PPP2R1B: variants seen among roughly 807,000 people sequenced by gnomAD.
The protein encoded by PPP2R1B is serine/threonine-protein phosphatase 2A 65 kDa regulatory subunit A beta isoform.
In PPP2R1B, 58 loss-of-function variants were observed where a neutral mutation model predicts 72.7. The observed-to-expected ratio is 0.80, with a 90% CI of 0.65 to 0.99. The LOEUF (loss-of-function observed/expected upper bound fraction) is 0.99. PPP2R1B is among the 50% of genes least tolerant of loss of function. The pLI, the probability that PPP2R1B is intolerant of heterozygous loss-of-function variation, is 0.00. For missense variants in PPP2R1B, 695 were observed against 733.6 expected, an observed-to-expected ratio of 0.95 and a Z score of 0.61; for synonymous variants, 256 against 264.6, an observed-to-expected ratio of 0.97 and a Z score of 0.32.
chr11:111,756,762 A>G (rs1315837810), intron 5 of PPP2R1B, among the ~76,000 whole-genome samples: 1 of 152,246 alleles, frequency 6.6e-6, no homozygotes, highest in African/African-American at 2.4e-5. Flanking sequence ...TCCAAATGTA[A>G]ACAGCCAATG....
At chr11:111,751,188 A>T (rs1233599898) in intron 10 of PPP2R1B, among the ~76,000 whole-genome samples, 2 of 152,056 alleles carry the variant, frequency 1.3e-5, no homozygotes, top group African/African-American at 4.8e-5. Flanking sequence ...CTTTAATCAG[A>T]ATGTAGGGCA....
At chr11:111,712,394 G>A in the PPP2R1B span, 1 of 1,604,464 alleles carries the variant, frequency 6.2e-7, no homozygotes, top group African/African-American at 1.3e-5. Context: ...ATGTTTGAGA[G>A]TCTCAGAACT....
the PPP2R1B span, among the ~76,000 whole-genome samples, chr11:111,693,526 C>A: frequency 6.6e-6 from 1 of 152,138 alleles, no homozygotes; most frequent in Non-Finnish European, 1.5e-5. Context: ...TGTTTTGGCC[C>A]TGGCTGTTCA....
downstream of PPP2R1B, chr11:111,721,953 C>CCCA: frequency 6.4e-7 from 1 of 1,551,106 alleles, no homozygotes. Flanking sequence ...GGGTCCTTCT[C>CCCA]CTTGCGAGTC....
At chr11:111,688,033 T>A in the PPP2R1B span, 4 of 1,614,064 alleles carry the variant, frequency 2.5e-6, no homozygotes, top group Non-Finnish European at 8.5e-7. This position sits in a 1 kb window ranked among gnomAD's most constrained non-coding sequence, Gnocchi z 4.2. Context: ...GTTAAATGAG[T>A]CTGAAGCCAG....
the PPP2R1B span, chr11:111,712,234 G>C: frequency 2.5e-6 from 4 of 1,614,086 alleles, no homozygotes; most frequent in Middle Eastern, 1.6e-4. Flanking sequence ...GGCTCCCAGT[G>C]ACCATGCATT....
the PPP2R1B span, chr11:111,719,719 G>A: frequency 6.5e-7 from 1 of 1,536,918 alleles, no homozygotes; most frequent in African/African-American, 1.4e-5. Flanking sequence ...TTCCTTTGTG[G>A]ATTTTTCTGT....
the PPP2R1B span, among the ~76,000 whole-genome samples, chr11:111,690,222 C>T: frequency 1.9e-4 from 28 of 150,572 alleles, no homozygotes; most frequent in African/African-American, 5.6e-4. Context: ...GTTTAATGCT[C>T]CTTGAAAGCA....
At chr11:111,726,079 CTGTTT>C (rs1378584805), downstream of PPP2R1B, 1 of 152,170 alleles carries the variant, frequency 6.6e-6, no homozygotes, top group Non-Finnish European at 1.5e-5. Context: ...GATCTCTAAT[CTGTTT>C]TGAGTCTTTA....
chr11:111,730,993 G>A (rs1944173033), intron 15 of PPP2R1B: 1 of 152,222 alleles, frequency 6.6e-6, no homozygotes, highest in Non-Finnish European at 1.5e-5. Flanking sequence ...AAGGACAGTG[G>A]ATAATATGTT....
At chr11:111,728,674 A>G (rs1179166683) in intron 15 of PPP2R1B, 1 of 151,198 alleles carries the variant, frequency 6.6e-6, no homozygotes, top group Non-Finnish European at 1.5e-5. Context: ...CACGCCTGTA[A>G]TCCCAACACT....
the PPP2R1B span, among the ~76,000 whole-genome samples, chr11:111,692,469 A>G: frequency 6.6e-6 from 1 of 150,804 alleles, no homozygotes; most frequent in Non-Finnish European, 1.5e-5. Context: ...CACACATGCA[A>G]AGGCTGAGAG....
chr11:111,735,558 T>C (rs1944315580), downstream of PPP2R1B, among the ~76,000 whole-genome samples: 4 of 152,210 alleles, frequency 2.6e-5, no homozygotes, highest in African/African-American at 7.2e-5. Flanking sequence ...AGATCCTGCC[T>C]GGGTGGACAC....
In PPP2R1B at chr11:111,764,995, A is replaced by C. The variant is rs141757572; in HGVS notation, c.206-90T>G. 2.5e-3 allele frequency: 3,846 copies of C among 1,536,424 alleles called. 12 individuals are homozygous for C. The highest frequency in any genetic ancestry group is 3.0e-3 in the Non-Finnish European group (3,411 of 1,144,732). ...AAACTAGGAACAGATTCACTATGCGACCAGGAAGGTGACCCAGTCAAAATC... is the reference window on the plus strand; with the variant it reads ...AAACTAGGAACAGATTCACTATGCGCCCAGGAAGGTGACCCAGTCAAAATC... On this transcript the variant is annotated intron_variant, in intron 2 of 14. Transcript: ENST00000527614.
chr11:111,760,704 A>G, intron 4 of PPP2R1B, 115 bp downstream of exon 4: 1 of 890,868 alleles, frequency 1.1e-6, no homozygotes, highest in Admixed American at 2.3e-5. Flanking sequence ...TCAGCCACTC[A>G]TTGGTAACAA....
Position 111,738,204 on chromosome 11 carries a change from A to G in PPP2R1B, c.*3392T>C, listed in dbSNP as rs1565426779. 6 of 985,594 alleles carry G rather than the reference A, an allele frequency of 6.1e-6. No homozygotes were observed. In the East Asian group the frequency reaches 5.7e-4, roughly 93 times the overall value. 61.1% of individuals were successfully genotyped at this position (985,594 alleles called of 1,614,324 possible). A position where few individuals can be genotyped will look rare whatever the true frequency, so the allele number is the denominator to read the frequency against. On this transcript the variant is annotated 3_prime_UTR_variant, in exon 15 of 15. Coordinates refer to ENST00000527614, the MANE Select transcript of PPP2R1B (RefSeq NM_002716.5). The stretch of plus-strand genomic sequence containing the variant: ...ACCTCAGCTGCTAAACCAGGAGAAC[A>G]CTGGGCAACAGGGCCTCTCCCTCTA...
chr11:111,750,658 T>C (rs1944869059), intron 10 of PPP2R1B, among the ~76,000 whole-genome samples: 1 of 147,636 alleles, frequency 6.8e-6, no homozygotes, highest in Admixed American at 6.9e-5. Flanking sequence ...AACTTAGAAC[T>C]GTCTAGGCCA....
At chr11:111,717,192 T>C in the PPP2R1B span, among the ~76,000 whole-genome samples, 1 of 151,480 alleles carries the variant, frequency 6.6e-6, no homozygotes, top group Admixed American at 6.6e-5. Context: ...GATGGGCGCC[T>C]GTAGTCCCAG....
intron 5 of PPP2R1B, among the ~76,000 whole-genome samples, chr11:111,757,269 AAC>A (rs1426329973): frequency 2.0e-5 from 3 of 152,200 alleles, no homozygotes; most frequent in East Asian, 3.8e-4. Flanking sequence ...TGTGTACAAT[AAC>A]AGTTATGTAT....
Sources: allele counts gnomAD v4.1 joint callset (sites outside exome capture counted in the v4.1 genomes callset), GRCh38; gene constraint gnomAD v4.1.1; non-coding constraint Gnocchi (gnomAD v3.1); transcripts MANE v1.5; gene names NCBI Gene and HGNC (gene_info 2026-07-23, HGNC 2026-07-21).